The following ARHGEF18 variants were observed in gnomAD, a reference collection of about 807,000 sequenced individuals.
ARHGEF18 encodes the protein Rho/Rac guanine nucleotide exchange factor 18, also known as rho guanine nucleotide exchange factor 18.
A neutral mutation model predicts 155.7 loss-of-function variants in ARHGEF18; 93 were observed. The observed-to-expected ratio is 0.60, with a 90% CI of 0.50 to 0.71. ARHGEF18 has a LOEUF of 0.71. Ranked by LOEUF, ARHGEF18 falls within the 30% of genes least tolerant of loss-of-function variation. ARHGEF18 has a pLI of 0.00. For missense variants in ARHGEF18, 1,593 were observed against 1,816.1 expected (o/e 0.88, Z 2.23); for synonymous variants, 742 against 753.1 (o/e 0.99, Z 0.24).
chr19:7,454,172 G>A (rs138342627), intron 17 of ARHGEF18, among the ~76,000 whole-genome samples: 223 of 151,476 alleles, frequency 1.5e-3, no homozygotes, highest in Admixed American at 3.5e-3. Context: ...GCACCCTCTT[G>A]GAGTGGTGGG....
intron 17 of ARHGEF18, 122 bp downstream of exon 17, chr19:7,453,837 G>A: frequency 1.5e-6 from 2 of 1,292,288 alleles, no homozygotes; most frequent in East Asian, 2.5e-5. Context: ...TACCATCTTG[G>A]AGAGGTGGTC....
chr19:7,421,228 C>T (rs558034410), intron 10 of ARHGEF18, among the ~76,000 whole-genome samples: 2 of 152,290 alleles, frequency 1.3e-5, no homozygotes, highest in East Asian at 1.9e-4. Context: ...TGACTGCAGT[C>T]GGCCCTTGAA....
At position 7,440,524 on chromosome 19, in the gene ARHGEF18, A is replaced by G. The variant is rs1450417283; in HGVS notation, c.1106+42A>G. On this transcript the variant is annotated intron_variant, in intron 11 of 28. Coordinates refer to ENST00000668164, the MANE Select transcript of ARHGEF18 (RefSeq NM_001367823.1). The surrounding 1 kb of genome is among the most constrained non-coding windows in gnomAD (Gnocchi z 5.4). ...TCTGTGCCCTCGGGTGGGTGGTGGC[A>G]TTCCCCGGGGAGCTGTTGACAGCCT... 6.4e-7 allele frequency: 1 copy of G among 1,560,500 alleles called. No individual in the cohort carries two copies. Among genetic ancestry groups the G allele is most frequent in the Admixed American group, 1.8e-5 (1 of 57,136 alleles).
chr19:7,442,012 G>A lies in ARHGEF18; in HGVS notation c.1320G>A (p.Lys440=), dbSNP rs1568338412. The A allele has an allele frequency of 1.2e-6, 2 of 1,614,114 alleles. No individual in the cohort carries two copies. Among genetic ancestry groups the A allele is most frequent in the Non-Finnish European group, 1.7e-6 (2 of 1,180,038 alleles). ...CCGTGGATGCAGCCTACGCCAAGAA[G>A]CAAAAGAGGGAGGTGGTGAAAAGAC... The part of the protein sequence containing the change: ...SLAVDAAYAK[K]QKREVVKRQD... Residue 440 remains lysine, a synonymous_variant, in exon 13 of 29, where the codon AAG becomes AAA. Transcript: ENST00000668164.
Position 7,395,045 on chromosome 19 carries a change from G to A in ARHGEF18, c.967+11842G>A. 2.0e-6 allele frequency: 2 copies of A among 985,278 alleles called. No homozygotes were observed. The highest frequency in any genetic ancestry group is 2.4e-6 in the Non-Finnish European group (2 of 829,826). The allele number at this position is 985,278 out of a possible 1,614,324, so 61.0% of individuals were successfully genotyped here. On this transcript the variant is annotated intron_variant, in intron 10 of 28. Transcript: ENST00000668164. The surrounding 1 kb of genome is among the most constrained non-coding windows in gnomAD (Gnocchi z 5.0). ...TCCCCGGGAGCGCCCCGCCCTCGAGGGCACGCCTCCTTCCGGGTCACGCCC... is the reference window on the plus strand; with the variant it reads ...TCCCCGGGAGCGCCCCGCCCTCGAGAGCACGCCTCCTTCCGGGTCACGCCC...
Position 7,446,909 on chromosome 19 carries a change from AAAGAAG to A in ARHGEF18, c.1612-128_1612-123del, listed in dbSNP as rs1217508103. On this transcript the variant is annotated intron_variant, in intron 14 of 28. Coordinates refer to ENST00000668164, the MANE Select transcript of ARHGEF18 (RefSeq NM_001367823.1). ...AGATGCTGTCTCAAAAAAAAAAAAA[AAAGAAG>A]AAGAAAGAAAGAAAATGGAATTGCA... 4.3e-3 allele frequency: 4,789 copies of A among 1,118,254 alleles called. 17 individuals are homozygous for A. The highest frequency in any genetic ancestry group is 0.015 in the African/African-American group (888 of 59,160). 69.3% of individuals were successfully genotyped at this position (1,118,254 alleles called of 1,614,324 possible).
rs537341060 is a variant in ARHGEF18 at position 7,437,439 on chromosome 19, A to G, written c.968-2905A>G. ...ATCCGTCTCAAAAAAAAAAAAAAAA[A>G]GTTGCTCAGAGAATGCTGAATCCTC... On this transcript the variant is annotated intron_variant, in intron 10 of 28. Transcript: ENST00000668164. Among the ~76,000 whole-genome samples the G allele has an allele frequency of 3.6e-3, 504 of 138,846 alleles. 3 individuals are homozygous for G. The highest frequency in any genetic ancestry group is 0.013 in the African/African-American group (481 of 36,774). 91.1% of individuals were successfully genotyped at this position (138,846 alleles called of 152,430 possible). A position where few individuals can be genotyped will look rare whatever the true frequency, so the allele number is the denominator to read the frequency against.
intron 10 of ARHGEF18, among the ~76,000 whole-genome samples, chr19:7,431,529 A>AAAAAAAAAAAG (rs901539858): frequency 3.4e-5 from 5 of 146,958 alleles, no homozygotes; most frequent in East Asian, 2.0e-4. Flanking sequence ...AAAAAAAAAA[A>AAAAAAAAAAAG]AAAAGGCCGG....
intron 1 of ARHGEF18, among the ~76,000 whole-genome samples, chr19:7,360,019 G>A (rs1242504007): frequency 3.3e-5 from 5 of 152,064 alleles, no homozygotes; most frequent in Non-Finnish European, 5.9e-5. Flanking sequence ...GCTGGACATG[G>A]TGGTACACAT....
rs1364750057 is a variant in ARHGEF18, at chr19:7,440,217, A to G, written c.968-127A>G. The G allele has an allele frequency of 3.2e-6, 5 of 1,551,698 alleles. No homozygotes were observed. In the Admixed American group the frequency reaches 7.8e-5, roughly 24 times the overall value. ...ATGGAGCGAGAACGTCTTCTTGGATAACGAGCTGCTGACCTCCAAGATCCT... is the reference window on the plus strand; with the variant it reads ...ATGGAGCGAGAACGTCTTCTTGGATGACGAGCTGCTGACCTCCAAGATCCT... On this transcript the variant is annotated intron_variant, in intron 10 of 28. Transcript: ENST00000668164. This position sits in a 1 kb window ranked among gnomAD's most constrained non-coding sequence, Gnocchi z 5.4.
Position 7,444,179 on chromosome 19 carries a change from A to G in ARHGEF18, c.1361-25A>G. The G allele has an allele frequency of 6.2e-7, 1 of 1,606,016 alleles. No individual in the cohort carries two copies. Among genetic ancestry groups the G allele is most frequent in the East Asian group, 2.2e-5 (1 of 44,688 alleles). ...CGGGGCCGTGGAGCCAGCATGGCTA[A>G]GTCCTGCCGTCTGTGTCCCTGCAGA... On this transcript the variant is annotated intron_variant, in intron 13 of 28. Transcript: ENST00000668164. This position sits in a 1 kb window ranked among gnomAD's most constrained non-coding sequence, Gnocchi z 4.7.
In ARHGEF18 at chr19:7,373,019, T is replaced by A; in HGVS notation, c.223T>A (p.Ser75Thr). 2 of 1,234,420 alleles carry A rather than the reference T, an allele frequency of 1.6e-6. No individual in the cohort carries two copies. Among genetic ancestry groups the A allele is most frequent in the South Asian group, 8.2e-5 (2 of 24,412 alleles). 76.5% of individuals were successfully genotyped at this position (1,234,420 alleles called of 1,614,324 possible). Residue 75 changes from serine (S) to threonine (T), a missense_variant, in exon 3 of 29, where the codon TCA becomes ACA. Physicochemically the swap from Ser to Thr is moderately conservative, Grantham distance 58. Coordinates refer to ENST00000668164, the MANE Select transcript of ARHGEF18 (RefSeq NM_001367823.1). ...FSSLAGSQDL[S>T]RRRSWERSRS... is the part of the protein sequence containing the mutation. ...CAGCTTGGCAGGGTCCCAAGACCTG[T>A]CAAGGCGGCGCAGCTGGGAAAGGTC...
chr19:7,354,460 G>T (rs1322742120), intron 1 of ARHGEF18, among the ~76,000 whole-genome samples: 2 of 152,178 alleles, frequency 1.3e-5, no homozygotes, highest in South Asian at 2.1e-4. Flanking sequence ...GTACGTGCTG[G>T]AGGAGCTGGG....
At chr19:7,385,833 A>C (rs77786295) in intron 10 of ARHGEF18, among the ~76,000 whole-genome samples, 11,963 of 50,130 alleles carry the variant, frequency 0.24, 868 homozygotes, top group African/African-American at 0.42. Context: ...ATCTCTCTCT[A>C]TCTCTCTCTC....
chr19:7,357,459 G>A (rs1333153376), intron 1 of ARHGEF18, among the ~76,000 whole-genome samples: 1 of 152,172 alleles, frequency 6.6e-6, no homozygotes, highest in African/African-American at 2.4e-5. Context: ...TTTTATGGCT[G>A]ATGCTGTGGG....
chr19:7,421,500 C>T (rs763961531), intron 10 of ARHGEF18, among the ~76,000 whole-genome samples: 30 of 152,172 alleles, frequency 2.0e-4, no homozygotes, highest in Non-Finnish European at 2.8e-4. Context: ...GTGGCTCACA[C>T]CTGTAATCCC....
At chr19:7,472,671 TTTTG>T (rs879303524), downstream of ARHGEF18, among the ~76,000 whole-genome samples, 6 of 151,380 alleles carry the variant, frequency 4.0e-5, no homozygotes, top group Admixed American at 2.0e-4. Flanking sequence ...TTGTTGGGGG[TTTTG>T]TTTTTGTTTT....
chr19:7,381,221 G>A (rs928349819), intron 8 of ARHGEF18, among the ~76,000 whole-genome samples: 6 of 152,042 alleles, frequency 3.9e-5, no homozygotes, highest in South Asian at 2.1e-4. Flanking sequence ...TCTGACGGAA[G>A]AGTAGGAGTT....
chr19:7,406,439 C>T (rs1972311225), intron 10 of ARHGEF18, among the ~76,000 whole-genome samples: 1 of 152,146 alleles, frequency 6.6e-6, no homozygotes, highest in Non-Finnish European at 1.5e-5. Context: ...ATATAATTTG[C>T]CAAAACGTAT....
Sources: allele counts gnomAD v4.1 joint callset (sites outside exome capture counted in the v4.1 genomes callset), GRCh38; gene constraint gnomAD v4.1.1; non-coding constraint Gnocchi (gnomAD v3.1); transcripts MANE v1.5; gene names NCBI Gene and HGNC (gene_info 2026-07-23, HGNC 2026-07-21).